DOCK9: variants seen among roughly 807,000 people sequenced by gnomAD.
DOCK9 encodes dedicator of cytokinesis 9, also known as dedicator of cytokinesis protein 9.
A neutral mutation model predicts 263.3 loss-of-function variants in DOCK9; 89 were observed. The observed-to-expected ratio is 0.34, with a 90% CI of 0.28 to 0.40. DOCK9 has a LOEUF of 0.40. Among genes scored for constraint, DOCK9 ranks in the 10% least tolerant of loss-of-function variants. DOCK9 has a pLI of 1.00. For missense variants in DOCK9, 2,140 were observed against 2,603.4 expected, an observed-to-expected ratio of 0.82 and a Z score of 3.87; for synonymous variants, 976 against 973.1, an observed-to-expected ratio of 1.00 and a Z score of -0.06.
chr13:98,853,352 CCAAA>C (rs2093623015), intron 35 of DOCK9, 52 bp downstream of exon 35: 1 of 1,202,622 alleles, frequency 8.3e-7, no homozygotes, highest in African/African-American at 1.5e-5. Context: ...CAAGTTAAAA[CCAAA>C]CAAACCAAGT....
At chr13:99,036,049 C>G (rs1328139981) in intron 1 of DOCK9, among the ~76,000 whole-genome samples, 1 of 152,282 alleles carries the variant, frequency 6.6e-6, no homozygotes, top group African/African-American at 2.4e-5. Flanking sequence ...GCCTGCCTAC[C>G]CTAGCCTCGC....
intron 35 of DOCK9, among the ~76,000 whole-genome samples, chr13:98,851,502 G>A (rs1438733160): frequency 2.0e-5 from 3 of 152,184 alleles, no homozygotes; most frequent in East Asian, 1.9e-4. Context: ...CAGACGAAGC[G>A]GCCAGCGGCA....
At chr13:99,074,638 TG>T (rs35665150) in intron 1 of DOCK9, among the ~76,000 whole-genome samples, 102,816 of 152,002 alleles carry the variant, frequency 0.68, 35,863 homozygotes, top group East Asian at 0.9. Context: ...GAACAACAGA[TG>T]AGCCAATCAA....
intron 1 of DOCK9, among the ~76,000 whole-genome samples, chr13:99,049,017 T>A (rs76278103): frequency 6.6e-6 from 1 of 152,140 alleles, no homozygotes; most frequent in Admixed American, 6.5e-5. Flanking sequence ...TTATTTTCTG[T>A]ATGGCTAAGA....
In DOCK9 at chr13:98,794,477, T is replaced by C; in HGVS notation, c.*149A>G. On this transcript the variant is annotated 3_prime_UTR_variant, in exon 53 of 53. Transcript: ENST00000682017. ...CTTCTTACAACTCCTATAGAAAGTC[T>C]GTTAAGAAATAACGTTGTTCTTTAT... The C allele has an allele frequency of 1.2e-6, 1 of 838,376 alleles. No individual in the cohort carries two copies. Among genetic ancestry groups the C allele is most frequent in the South Asian group, 1.9e-5 (1 of 52,092 alleles). The allele number at this position is 838,376 out of a possible 1,614,324, so 51.9% of individuals were successfully genotyped here.
chr13:98,944,179 G>A (rs2056373087), intron 2 of DOCK9, among the ~76,000 whole-genome samples: 1 of 152,078 alleles, frequency 6.6e-6, no homozygotes, highest in African/African-American at 2.4e-5. Flanking sequence ...ATACAATGAT[G>A]GACTACTGGG....
Position 98,885,803 on chromosome 13 carries a change from T to C in DOCK9, c.2165A>G (p.His722Arg). The C allele has an allele frequency of 1.2e-6, 2 of 1,610,914 alleles. No individual in the cohort carries two copies. Among genetic ancestry groups the C allele is most frequent in the Non-Finnish European group, 1.7e-6 (2 of 1,179,288 alleles). The change falls in exon 20 of 53, where the codon CAT (histidine) becomes CGT (arginine). Residue 722 changes from histidine to arginine, a missense_variant. Coordinates refer to ENST00000682017, the MANE Select transcript of DOCK9 (RefSeq NM_001366683.2). ...EIKIELPTQL[H>R]EKHHLLLTFF... The stretch of plus-strand genomic sequence containing the variant: ...TGTGAGCAACAGGTGGTGCTTTTCA[T>C]GCAGCTGAGTGGGCAACTCTATTTT...
At chr13:98,988,250 A>G (rs754180891) in intron 1 of DOCK9, among the ~76,000 whole-genome samples, 28 of 152,210 alleles carry the variant, frequency 1.8e-4, no homozygotes, top group Non-Finnish European at 2.9e-5. Flanking sequence ...AATATACAAG[A>G]GCACTAAAAA....
chr13:98,903,749 G>T (rs1305909702), intron 10 of DOCK9, among the ~76,000 whole-genome samples: 2 of 151,800 alleles, frequency 1.3e-5, no homozygotes, highest in Admixed American at 1.3e-4. Context: ...TCCATCAACA[G>T]ATTTACAAGG....
intron 9 of DOCK9, among the ~76,000 whole-genome samples, chr13:98,906,655 G>A (rs375537159): frequency 6.6e-6 from 1 of 152,138 alleles, no homozygotes; most frequent in Non-Finnish European, 1.5e-5. Flanking sequence ...ACAGAACAAA[G>A]TCTCTTATTA....
At position 98,897,086 on chromosome 13, in the gene DOCK9, T is replaced by G. The variant is rs117737791; in HGVS notation, c.1709+402A>C. Among the ~76,000 whole-genome samples, 1,306 of 152,282 alleles carry G rather than the reference T, an allele frequency of 8.6e-3. 7 individuals carry two copies. Among genetic ancestry groups the G allele is most frequent in the Middle Eastern group, 0.024 (7 of 294 alleles). ...TAGAAACCTTGCAAGTTATTTATCT[T>G]AGACTATTACCACCCCAAGCCAAGA... On this transcript the variant is annotated intron_variant, in intron 15 of 52. Transcript: ENST00000682017.
chr13:98,815,470 TTTTGTTTG>T (rs930330739), intron 45 of DOCK9, among the ~76,000 whole-genome samples: 2 of 152,096 alleles, frequency 1.3e-5, no homozygotes, highest in Admixed American at 6.5e-5. Flanking sequence ...TAAAATTTTT[TTTTGTTTG>T]TTTGTTTGTT....
chr13:98,898,708 A>G (rs1158672170), intron 13 of DOCK9, among the ~76,000 whole-genome samples: 1 of 152,220 alleles, frequency 6.6e-6, no homozygotes, highest in Non-Finnish European at 1.5e-5. Flanking sequence ...GCACTAGCTT[A>G]TGCTGATTCC....
intron 1 of DOCK9, among the ~76,000 whole-genome samples, chr13:99,074,027 A>G (rs1275402993): frequency 1.3e-5 from 2 of 152,238 alleles, no homozygotes; most frequent in Non-Finnish European, 2.9e-5. Flanking sequence ...TCATCGGTCT[A>G]TAGGTATTCC....
At chr13:98,831,295 T>C (rs2140952189) in intron 41 of DOCK9, 53 bp downstream of exon 41, 1 of 1,519,352 alleles carries the variant, frequency 6.6e-7, no homozygotes, top group East Asian at 2.4e-5. Context: ...GTTTTCCTGA[T>C]ACAGCAGGAT....
chr13:98,827,081 A>G (rs1198387443), intron 43 of DOCK9, among the ~76,000 whole-genome samples, 194 bp from the exon 44 acceptor site: 1 of 152,258 alleles, frequency 6.6e-6, no homozygotes, highest in Admixed American at 6.5e-5. Flanking sequence ...TTTGAAATTA[A>G]TTGGGAGTTG....
chr13:98,974,748 CAAAAAAAAAAAAAA>C (rs57196019), intron 1 of DOCK9, among the ~76,000 whole-genome samples: 1 of 33,214 alleles, frequency 3.0e-5, no homozygotes, highest in Admixed American at 4.1e-4. Context: ...AACTCTGTCT[CAAAAAAAAAAAAAA>C]AAAAAAAAAA....
At position 98,902,972 on chromosome 13, in the gene DOCK9, A is replaced by G. The variant is rs2048522668; in HGVS notation, c.1176T>C (p.Asn392=). The G allele has an allele frequency of 3.3e-6, 5 of 1,505,460 alleles. No individual in the cohort carries two copies. Among genetic ancestry groups the G allele is most frequent in the Non-Finnish European group, 4.4e-6 (5 of 1,132,886 alleles). The allele number at this position is 1,505,460 out of a possible 1,614,324, so 93.3% of individuals were successfully genotyped here. The change falls in exon 11 of 53, where the codon AAT becomes AAC. Residue 392 remains asparagine (N), a splice_region_variant and synonymous_variant. Transcript: ENST00000682017. ...GTTTATTTTTAAAATGAAAAATTAC[A>G]TTTGTAGTGGGTCCTTCTTCATTTT... ...VAENEEGPTT[N]VEPFFVTLSL...
chr13:98,862,240 G>A (rs2093894183), intron 32 of DOCK9, among the ~76,000 whole-genome samples: 1 of 152,138 alleles, frequency 6.6e-6, no homozygotes. Context: ...GTGTGTACTG[G>A]GTTGAATAGT....
Sources: allele counts gnomAD v4.1 joint callset (sites outside exome capture counted in the v4.1 genomes callset), GRCh38; gene constraint gnomAD v4.1.1; transcripts MANE v1.5; gene names NCBI Gene and HGNC (gene_info 2026-07-23, HGNC 2026-07-21).